The following ATP6V1H variants were observed in gnomAD, a reference collection of about 807,000 sequenced individuals.
ATP6V1H encodes the protein V-type proton ATPase subunit H.
In ATP6V1H, 39 loss-of-function variants were observed where a neutral mutation model predicts 71.7. The ratio of observed to expected loss-of-function variants is 0.54; its 90% CI spans 0.42 to 0.71. ATP6V1H has a LOEUF of 0.71. ATP6V1H is among the 30% of genes least tolerant of loss of function. The pLI, the probability that ATP6V1H is intolerant of heterozygous loss-of-function variation, is 0.00. For missense variants in ATP6V1H, 509 were observed against 594.9 expected, an observed-to-expected ratio of 0.86 and a Z score of 1.50; for synonymous variants, 192 against 199.3, an observed-to-expected ratio of 0.96 and a Z score of 0.31.
chr8:53,784,766 G>T (rs533573625), intron 9 of ATP6V1H, among the ~76,000 whole-genome samples: 2 of 152,298 alleles, frequency 1.3e-5, no homozygotes, highest in African/African-American at 4.8e-5. Context: ...TTGCTTGTCT[G>T]TAAATGATTT....
At chr8:53,725,162 A>G (rs570645307) in intron 13 of ATP6V1H, among the ~76,000 whole-genome samples, 2 of 152,314 alleles carry the variant, frequency 1.3e-5, no homozygotes, top group South Asian at 4.1e-4. Flanking sequence ...CTCTGCCCTC[A>G]TGATCGGATT....
chr8:53,799,524 G>C lies in ATP6V1H; in HGVS notation c.677+2275C>G, dbSNP rs561788846. ...CTAAGGCTGCTAGCCTCAGAAAGACGTGCTTACAAGGTTGGCCTTTGGCTG... is the reference window on the plus strand; with the variant it reads ...CTAAGGCTGCTAGCCTCAGAAAGACCTGCTTACAAGGTTGGCCTTTGGCTG... On this transcript the variant is annotated intron_variant, in intron 8 of 13. Transcript: ENST00000359530. Among the ~76,000 whole-genome samples, 335 of 152,296 alleles carry C rather than the reference G, an allele frequency of 2.2e-3. 2 individuals are homozygous for C. The highest frequency in any genetic ancestry group is 7.8e-3 in the African/African-American group (324 of 41,552).
chr8:53,825,209 G>C (rs1485534183), intron 4 of ATP6V1H, among the ~76,000 whole-genome samples: 1 of 151,982 alleles, frequency 6.6e-6, no homozygotes, highest in South Asian at 2.1e-4. Context: ...TTTATTATTA[G>C]TTTTTTAAAT....
chr8:53,811,019 T>C (rs1374081999), intron 7 of ATP6V1H, 145 bp downstream of exon 7: 1 of 524,564 alleles, frequency 1.9e-6, no homozygotes, highest in African/African-American at 1.9e-5. Context: ...AATATTTATA[T>C]ATAGTTTATA....
chr8:53,785,503 G>A (rs1368902491), intron 9 of ATP6V1H, among the ~76,000 whole-genome samples: 1 of 152,110 alleles, frequency 6.6e-6, no homozygotes, highest in Admixed American at 6.5e-5. Flanking sequence ...TTAGCTCGGA[G>A]TAGTTCGATC....
At chr8:53,836,610 A>C (rs998478065) in intron 2 of ATP6V1H, among the ~76,000 whole-genome samples, 6 of 152,184 alleles carry the variant, frequency 3.9e-5, no homozygotes, top group Admixed American at 1.3e-4. Context: ...ACCTTCCACC[A>C]GTGGATTTCC....
chr8:53,811,452 A>G (rs1810271471), intron 6 of ATP6V1H, among the ~76,000 whole-genome samples: 1 of 152,246 alleles, frequency 6.6e-6, no homozygotes, highest in Non-Finnish European at 1.5e-5. Context: ...AAATGGAACA[A>G]TAATAAACTG....
rs576127246 is a variant in ATP6V1H at position 53,727,270 on chromosome 8, T to G, written c.1392-11246A>C. ...TTTCAGTCCTTCCTTCCTCATCCTC[T>G]CGGCTTATTTTACACTGCTCACCAC... On this transcript the variant is annotated intron_variant, in intron 13 of 13. Transcript: ENST00000359530. 3.9e-5 allele frequency among the ~76,000 whole-genome samples: 6 copies of G among 152,316 alleles called. No individual in the cohort carries two copies. The East Asian group carries it at 9.6e-4, about 24-fold the overall frequency.
At chr8:53,781,090 G>A (rs1287098749) in intron 9 of ATP6V1H, among the ~76,000 whole-genome samples, 1 of 152,160 alleles carries the variant, frequency 6.6e-6, no homozygotes, top group Non-Finnish European at 1.5e-5. Flanking sequence ...GGTATTTCTA[G>A]TTCTAGATCC....
rs1055475481 is a variant in ATP6V1H at position 53,837,870 on chromosome 8, G to A, written c.113+3708C>T. Among the ~76,000 whole-genome samples, 5 of 152,110 alleles carry A rather than the reference G, an allele frequency of 3.3e-5. No individual in the cohort carries two copies. The South Asian group carries it at 6.2e-4, about 19-fold the overall frequency. ...CAGACACAGGATCGCACTCAGATTC[G>A]AGGCATCTTTTGGACGTAGAGCTGG... On this transcript the variant is annotated intron_variant, in intron 2 of 13. Transcript: ENST00000359530.
At chr8:53,769,366 G>A (rs186687801) in intron 11 of ATP6V1H, among the ~76,000 whole-genome samples, 1 of 152,066 alleles carries the variant, frequency 6.6e-6, no homozygotes, top group East Asian at 1.9e-4. Context: ...ATATATATGA[G>A]ACAACAACTT....
intron 5 of ATP6V1H, among the ~76,000 whole-genome samples, chr8:53,816,522 G>A (rs1382716082): frequency 6.6e-6 from 1 of 152,230 alleles, no homozygotes; most frequent in Non-Finnish European, 1.5e-5. Flanking sequence ...TGTAGGCCGG[G>A]TGCAGTGCCT....
intron 13 of ATP6V1H, among the ~76,000 whole-genome samples, chr8:53,718,073 G>T (rs975040888): frequency 1.3e-5 from 2 of 152,132 alleles, no homozygotes; most frequent in African/African-American, 4.8e-5. Flanking sequence ...ATCACAAAGG[G>T]TCCTGTGCGT....
rs1809121363 is a variant in ATP6V1H, at chr8:53,781,360, T to C, written c.871-9193A>G. ...TCTTCTTTTCAGAAGTGTCTGTTCA[T>C]ATCCTTTGCCCACTTTTTGATGGGG... On this transcript the variant is annotated intron_variant, in intron 9 of 13. Coordinates refer to ENST00000359530, the MANE Select transcript of ATP6V1H (RefSeq NM_015941.4). Among the ~76,000 whole-genome samples, 6 of 150,634 alleles carry C rather than the reference T, an allele frequency of 4.0e-5. No homozygotes were observed. In the South Asian group the frequency reaches 1.2e-3, roughly 31 times the overall value.
chr8:53,814,707 G>C lies in ATP6V1H; in HGVS notation c.480C>G (p.Asp160Glu). The C allele has an allele frequency of 6.2e-7, 1 of 1,612,472 alleles. No homozygotes were observed. Among genetic ancestry groups the C allele is most frequent in the East Asian group, 2.2e-5 (1 of 44,754 alleles). ...TTATCCAATTGAAATAGTAATTTAA[G>C]TCACTGCCTTCCATCAGTTCTTTTC... ...AWGKELMEGS[D>E]LNYYFNWIKT... is the part of the protein sequence containing the mutation. Residue 160 changes from aspartate (D) to glutamate (E), a missense_variant, in exon 6 of 14, where the codon GAC (aspartate) becomes GAG (glutamate). Physicochemically the swap from Asp to Glu is conservative, Grantham distance 45. This residue lies in a region of ATP6V1H where 297 missense variants were observed against 303.3 expected (regional missense o/e 0.98). Transcript: ENST00000359530.
chr8:53,805,252 G>T (rs1313270434), intron 7 of ATP6V1H, among the ~76,000 whole-genome samples: 1 of 152,182 alleles, frequency 6.6e-6, no homozygotes, highest in Non-Finnish European at 1.5e-5. Context: ...AAAGGCATCT[G>T]TTCCACAGAT....
At chr8:53,804,215 A>G (rs1367252061) in intron 7 of ATP6V1H, among the ~76,000 whole-genome samples, 3 of 152,236 alleles carry the variant, frequency 2.0e-5, no homozygotes, top group Non-Finnish European at 4.4e-5. Context: ...ATTGCCTTCA[A>G]TTACGCAAAG....
rs201338162 is a variant in ATP6V1H at position 53,814,679 on chromosome 8, T to C, written c.508A>G (p.Thr170Ala). Residue 170 changes from threonine to alanine, a missense_variant, in exon 6 of 14, where the codon ACT becomes GCT. Thr to Ala is a moderately conservative substitution (Grantham distance 58). This residue lies in a region of ATP6V1H where 297 missense variants were observed against 303.3 expected (regional missense o/e 0.98). Transcript: ENST00000359530. ...TCTTTTACCTGTGAACTCAGCTGAGTTTTTATCCAATTGAAATAGTAATTT... is the reference window on the plus strand; with the variant it reads ...TCTTTTACCTGTGAACTCAGCTGAGCTTTTATCCAATTGAAATAGTAATTT... Reference protein sequence around the residue: ...DLNYYFNWIKTQLSSQKLRGS... With the variant: ...DLNYYFNWIKAQLSSQKLRGS... The C allele has an allele frequency of 2.5e-6, 4 of 1,609,926 alleles. No individual in the cohort carries two copies. Among genetic ancestry groups the C allele is most frequent in the Non-Finnish European group, 3.4e-6 (4 of 1,177,488 alleles).
At chr8:53,837,874 C>T (rs1811210001) in intron 2 of ATP6V1H, among the ~76,000 whole-genome samples, 1 of 152,126 alleles carries the variant, frequency 6.6e-6, no homozygotes, top group Non-Finnish European at 1.5e-5. Flanking sequence ...AGATTCGAGG[C>T]ATCTTTTGGA....
Sources: allele counts gnomAD v4.1 joint callset (sites outside exome capture counted in the v4.1 genomes callset), GRCh38; gene constraint gnomAD v4.1.1; regional missense constraint gnomAD v4.1.1; transcripts MANE v1.5; gene names NCBI Gene and HGNC (gene_info 2026-07-23, HGNC 2026-07-21).